Variants in CD82 observed in about 807,000 individuals in gnomAD.
The protein encoded by CD82 is CD82 molecule, also known as CD82 antigen.
CD82 carries 36 observed loss-of-function variants against 37.4 expected under a neutral mutation model. That is an observed-to-expected ratio of 0.96 (90% confidence interval 0.74 to 1.27). The LOEUF is 1.27. Among genes scored for constraint, CD82 ranks in the 50% most tolerant of loss-of-function variants. The probability of loss-of-function intolerance (pLI) is 0.00; values close to 1 mark genes in which losing one functional copy is unlikely to be tolerated. For missense variants in CD82, 340 were observed against 347.0 expected, an observed-to-expected ratio of 0.98 and a Z score of 0.16; for synonymous variants, 158 against 137.4, an observed-to-expected ratio of 1.15 and a Z score of -1.05.
chr11:44,569,527 C>A (rs995158591), intron 1 of CD82, among the ~76,000 whole-genome samples: 2 of 152,100 alleles, frequency 1.3e-5, no homozygotes, highest in Admixed American at 1.3e-4. Flanking sequence ...CTTGCTGATG[C>A]CCCATTCTTT....
At chr11:44,587,240 A>G in intron 1 of CD82, 2 of 347,122 alleles carry the variant, frequency 5.8e-6, no homozygotes. Context: ...ATTCTGGCAG[A>G]GAAACCCTTT....
intron 6 of CD82, chr11:44,607,921 G>A (rs1393315230): frequency 6.6e-6 from 1 of 152,058 alleles, no homozygotes; most frequent in Non-Finnish European, 1.5e-5. Flanking sequence ...TGGGTTTCTC[G>A]ACCCCAGCCA....
intron 3 of CD82, among the ~76,000 whole-genome samples, chr11:44,598,672 G>A (rs1276465307): frequency 6.6e-6 from 1 of 151,922 alleles, no homozygotes; most frequent in Non-Finnish European, 1.5e-5. Flanking sequence ...AGTTTTTGGT[G>A]CCTCCTCATG....
At chr11:44,593,669 C>A (rs889382996) in intron 2 of CD82, among the ~76,000 whole-genome samples, 7 of 152,190 alleles carry the variant, frequency 4.6e-5, no homozygotes, top group African/African-American at 1.7e-4. Flanking sequence ...TGTGTCCAAT[C>A]TTAGAGTATC....
intron 4 of CD82, 31 bp from the exon 5 acceptor site, chr11:44,605,027 C>T (rs931736584): frequency 1.9e-6 from 3 of 1,613,988 alleles, no homozygotes; most frequent in Non-Finnish European, 2.5e-6. Context: ...CCTGCTGTGC[C>T]CACTGATTTT....
chr11:44,605,639 G>A (rs970546526), intron 6 of CD82, among the ~76,000 whole-genome samples: 3 of 152,184 alleles, frequency 2.0e-5, no homozygotes, highest in African/African-American at 7.2e-5. Context: ...GCTGGGCCTG[G>A]ATCTTAGCCT....
At chr11:44,566,659 A>T (rs989390832) in intron 1 of CD82, among the ~76,000 whole-genome samples, 18 of 152,216 alleles carry the variant, frequency 1.2e-4, no homozygotes, top group African/African-American at 4.3e-4. Flanking sequence ...ATCCAATAGC[A>T]GGAGCAAGCA....
intron 6 of CD82, among the ~76,000 whole-genome samples, chr11:44,610,295 A>G (rs891303): frequency 0.99 from 150,413 of 152,294 alleles, 74,315 homozygotes; most frequent in East Asian, 1. Context: ...TGGGTAGCTG[A>G]GAGAGGAGGA....
At chr11:44,596,653 G>T (rs545137076) in intron 3 of CD82, among the ~76,000 whole-genome samples, 48 of 152,262 alleles carry the variant, frequency 3.2e-4, no homozygotes, top group African/African-American at 1.2e-3. Context: ...GTGTACTGGG[G>T]CCTAGGATGA....
At chr11:44,578,748 G>A (rs1022700107) in intron 1 of CD82, among the ~76,000 whole-genome samples, 1 of 152,174 alleles carries the variant, frequency 6.6e-6, no homozygotes, top group African/African-American at 2.4e-5. Flanking sequence ...CCGGCGGATG[G>A]CTAGGTCCAG....
chr11:44,619,118 A>C lies in CD82; in HGVS notation c.796A>C (p.Lys266Gln). The change falls in exon 10 of 10, where the codon AAG (lysine) becomes CAG (glutamine). Residue 266 changes from lysine (K) to glutamine (Q), a missense_variant. Lys to Gln is a moderately conservative substitution (Grantham distance 53). Transcript: ENST00000227155. ...TTCCGAAGACTACAGCAAGGTCCCC[A>C]AGTACTGAGGCAGCTGCTATCCCCA... is the stretch of plus-strand genomic sequence containing the variant. The part of the protein sequence containing the change: ...VHSEDYSKVP[K>Q]Y The C allele has an allele frequency of 1.9e-6, 3 of 1,613,012 alleles. No individual in the cohort carries two copies. Among genetic ancestry groups the C allele is most frequent in the Non-Finnish European group, 2.5e-6 (3 of 1,179,492 alleles).
rs1275138501 is a variant in CD82 at position 44,605,082 on chromosome 11, T to TG, written c.166dup (p.Ala56GlyfsTer68). ...GAAACCTCCTCCAGCTCGCTTAGGA[T>TG]GGGGGCCTATGTCTTCATCGGCGTG... is the stretch of plus-strand genomic sequence containing the variant. On this transcript the variant is annotated frameshift_variant, in exon 5 of 10. Transcript: ENST00000227155. LOFTEE classifies it high-confidence loss of function. 1 of 1,614,168 alleles carries TG rather than the reference T, an allele frequency of 6.2e-7. No individual in the cohort carries two copies. The highest frequency in any genetic ancestry group is 1.7e-5 in the Admixed American group (1 of 60,018).
chr11:44,609,354 G>A (rs984402701), intron 6 of CD82, among the ~76,000 whole-genome samples: 4 of 152,146 alleles, frequency 2.6e-5, no homozygotes, highest in African/African-American at 9.7e-5. Context: ...GCCCTTTCCT[G>A]TGGTGTGTGG....
intron 7 of CD82, 74 bp from the exon 8 acceptor site, chr11:44,618,088 C>A (rs1300648996): frequency 7.3e-6 from 10 of 1,367,012 alleles, no homozygotes; most frequent in Non-Finnish European, 9.3e-6. Context: ...CTGGGGAGGT[C>A]CTCCCTCTGC....
chr11:44,605,525 CACAG>C lies in CD82; in HGVS notation c.336+102_336+105del, dbSNP rs1360448084. The C allele has an allele frequency of 4.4e-6, 5 of 1,134,420 alleles. No homozygotes were observed. The South Asian group carries it at 5.1e-5, about 12-fold the overall frequency. 70.3% of individuals were successfully genotyped at this position (1,134,420 alleles called of 1,614,324 possible). A position where few individuals can be genotyped will look rare whatever the true frequency, so the allele number is the denominator to read the frequency against. ...ATGGACAAGGAACCCCCCCAGTTGT[CACAG>C]ACAGATCCAGTAGGTGTCAGGGACG... is the stretch of plus-strand genomic sequence containing the variant. On this transcript the variant is annotated intron_variant, in intron 6 of 9. Coordinates refer to ENST00000227155, the MANE Select transcript of CD82 (RefSeq NM_002231.4).
chr11:44,582,639 T>C (rs1441760913), intron 1 of CD82, among the ~76,000 whole-genome samples: 2 of 152,286 alleles, frequency 1.3e-5, no homozygotes, highest in Admixed American at 6.5e-5. Flanking sequence ...CTATCTCCAG[T>C]TGTGGCACTG....
In CD82 at chr11:44,600,140, G is replaced by A; in HGVS notation, c.64-18G>A. The A allele has an allele frequency of 2.5e-6, 4 of 1,613,644 alleles. No individual in the cohort carries two copies. Among genetic ancestry groups the A allele is most frequent in the South Asian group, 1.1e-5 (1 of 91,068 alleles). The stretch of plus-strand genomic sequence containing the variant: ...ATCTGCTCTTGGCTCCCCATTAACT[G>A]CTCCCTTCTCCTTCCAGATCCTGGG... On this transcript the variant is annotated intron_variant, in intron 3 of 9. Transcript: ENST00000227155.
chr11:44,576,868 G>A (rs76168936), intron 1 of CD82, among the ~76,000 whole-genome samples: 22,800 of 152,174 alleles, frequency 0.15, 1,772 homozygotes, highest in South Asian at 0.19. Context: ...GCAGGGAGTT[G>A]CCCAGGATCC....
intron 1 of CD82, among the ~76,000 whole-genome samples, chr11:44,578,267 C>T (rs1164933492): frequency 3.9e-5 from 6 of 152,140 alleles, no homozygotes; most frequent in African/African-American, 1.2e-4. Context: ...TTTGCTGGGT[C>T]GCCCAGGGAA....
Sources: gnomAD v4.1 joint callset for allele counts (sites outside exome capture counted in the v4.1 genomes callset) on GRCh38, gnomAD v4.1.1 for gene constraint, MANE v1.5 for transcripts, NCBI Gene and HGNC (gene_info 2026-07-23, HGNC 2026-07-21) for gene names.